FAR2: variants seen among roughly 807,000 people sequenced by gnomAD.
The protein encoded by FAR2 is fatty acyl-CoA reductase 2.
In FAR2, 19 loss-of-function variants were observed where a neutral mutation model predicts 56.0. That is an observed-to-expected ratio of 0.34 (90% CI 0.24 to 0.50). The LOEUF (loss-of-function observed/expected upper bound fraction) is 0.50. FAR2 is among the 20% of genes least tolerant of loss of function. The pLI is 0.98. For synonymous variants in FAR2, 219 were observed against 218.8 expected, an observed-to-expected ratio of 1.00 and a Z score of -0.01; for missense variants, 508 against 642.2, an observed-to-expected ratio of 0.79 and a Z score of 2.26.
At chr12:29,321,967 C>A (rs113840337) in intron 10 of FAR2, 43 bp downstream of exon 10, 27,534 of 1,566,928 alleles carry the variant, frequency 0.018, 298 homozygotes, top group Non-Finnish European at 0.021. Flanking sequence ...ATGCTACTCA[C>A]TTGGAATTTA....
intron 4 of FAR2, among the ~76,000 whole-genome samples, chr12:29,303,116 G>A (rs1473596182): frequency 6.6e-6 from 1 of 152,150 alleles, no homozygotes; most frequent in African/African-American, 2.4e-5. Context: ...TTATGGAGTG[G>A]ACTTCTTTTA....
At chr12:29,259,778 G>A (rs1000422969) in intron 1 of FAR2, among the ~76,000 whole-genome samples, 6 of 152,180 alleles carry the variant, frequency 3.9e-5, no homozygotes, top group Non-Finnish European at 8.8e-5. Flanking sequence ...TAAGCATTCA[G>A]TAAAAATACG....
In FAR2 at chr12:29,321,868, T is replaced by G; in HGVS notation, c.1201T>G (p.Trp401Gly). Residue 401 changes from tryptophan to glycine, a missense_variant, in exon 10 of 12, where the codon TGG becomes GGG. By Grantham distance (184) the Trp-to-Gly change is radical (BLOSUM62 -2). Transcript: ENST00000536681. The stretch of plus-strand genomic sequence containing the variant: ...GTATTTCATCAACCGGAGTTGGGAA[T>G]GGAGCACGTACAATACAGAAATGCT... ...LEYFINRSWEWSTYNTEMLMS... is the reference protein window; with the variant it reads ...LEYFINRSWEGSTYNTEMLMS... 1 of 1,613,906 alleles carries G rather than the reference T, an allele frequency of 6.2e-7. No individual in the cohort carries two copies. The highest frequency in any genetic ancestry group is 8.5e-7 in the Non-Finnish European group (1 of 1,179,858).
chr12:29,256,196 T>C (rs911040592), intron 1 of FAR2, among the ~76,000 whole-genome samples: 2 of 151,602 alleles, frequency 1.3e-5, no homozygotes, highest in South Asian at 2.1e-4. Flanking sequence ...ATTATTATTG[T>C]TTTTTTTAAA....
intron 4 of FAR2, among the ~76,000 whole-genome samples, chr12:29,302,397 G>A (rs12308135): frequency 0.016 from 2,443 of 152,248 alleles, 64 homozygotes; most frequent in African/African-American, 0.05. Context: ...AGGCATATGA[G>A]AAGACTTGGA....
intron 1 of FAR2, among the ~76,000 whole-genome samples, chr12:29,231,632 T>C (rs1018302535): frequency 6.6e-6 from 1 of 152,184 alleles, no homozygotes; most frequent in African/African-American, 2.4e-5. Flanking sequence ...GGATAGTTAA[T>C]CATGTAGCTC....
At chr12:29,210,739 G>A (rs1250380970) in intron 1 of FAR2, among the ~76,000 whole-genome samples, 1 of 152,118 alleles carries the variant, frequency 6.6e-6, no homozygotes, top group Non-Finnish European at 1.5e-5. Context: ...AGATCATGAG[G>A]TCAGAAGTTT....
chr12:29,258,952 TATC>T (rs1457170315), intron 1 of FAR2, among the ~76,000 whole-genome samples: 2 of 152,228 alleles, frequency 1.3e-5, no homozygotes, highest in Admixed American at 6.5e-5. Flanking sequence ...CTTTGAATAT[TATC>T]AAGATTTTCC....
intron 1 of FAR2, among the ~76,000 whole-genome samples, chr12:29,230,756 G>A (rs1312633122): frequency 6.6e-6 from 1 of 152,096 alleles, no homozygotes; most frequent in Non-Finnish European, 1.5e-5. Flanking sequence ...AGAGTCAAGG[G>A]TGGCCTCAAC....
At chr12:29,272,507 G>C (rs1193485075) in intron 2 of FAR2, among the ~76,000 whole-genome samples, 1 of 152,072 alleles carries the variant, frequency 6.6e-6, no homozygotes, top group Non-Finnish European at 1.5e-5. Flanking sequence ...TCTCTAAACT[G>C]GTTATTCTAG....
rs1949336869 is a variant in FAR2, at chr12:29,310,915, A to G, written c.769-113A>G. The G allele has an allele frequency of 5.1e-6, 4 of 782,364 alleles. No homozygotes were observed. The African/African-American group carries it at 5.1e-5, about 10-fold the overall frequency. The allele number at this position is 782,364 out of a possible 1,614,324, so 48.5% of individuals were successfully genotyped here. On this transcript the variant is annotated intron_variant, in intron 6 of 11. Coordinates refer to ENST00000536681, the MANE Select transcript of FAR2 (RefSeq NM_001271783.2). The stretch of plus-strand genomic sequence containing the variant: ...TAAGAACCTGGTAAGCAGTGGATCA[A>G]TGTTAGCTGTTTTCACTTATTGCAC...
chr12:29,208,600 A>G (rs1051834880), intron 1 of FAR2, among the ~76,000 whole-genome samples: 1 of 152,104 alleles, frequency 6.6e-6, no homozygotes, highest in African/African-American at 2.4e-5. Context: ...TGCGTTATTC[A>G]GGTATCAGGA....
chr12:29,296,990 AT>A (rs1273043848), intron 3 of FAR2, 30 bp from the exon 4 acceptor site: 1 of 1,555,058 alleles, frequency 6.4e-7, no homozygotes, highest in Non-Finnish European at 8.7e-7. Context: ...GACTTACTTC[AT>A]TGTATTTCCT....
chr12:29,287,672 ATTTTTGAAGAGAAAGAC>A (rs1368343185), intron 2 of FAR2, among the ~76,000 whole-genome samples: 2 of 152,196 alleles, frequency 1.3e-5, no homozygotes, highest in East Asian at 1.9e-4. Context: ...TAATGTAGTT[ATTTTTGAAGAGAAAGAC>A]TTTTTGAAGA....
Position 29,238,732 on chromosome 12 carries a change from C to T in FAR2, c.-38-31680C>T, listed in dbSNP as rs774077864. 5.3e-5 allele frequency among the ~76,000 whole-genome samples: 8 copies of T among 152,200 alleles called. No individual in the cohort carries two copies. The South Asian group carries it at 6.2e-4, about 12-fold the overall frequency. ...TTTGTTGTTTATTGATCAAAATATG[C>T]TTTATATATTTCAACCAAGGAACTT... On this transcript the variant is annotated intron_variant, in intron 1 of 11. Transcript: ENST00000536681.
At chr12:29,247,392 G>A (rs185634977) in intron 1 of FAR2, among the ~76,000 whole-genome samples, 1 of 152,144 alleles carries the variant, frequency 6.6e-6, no homozygotes, top group Admixed American at 6.5e-5. Context: ...AGAACAATGT[G>A]TTTTTATATC....
At chr12:29,202,945 A>C (rs1199076528) in intron 1 of FAR2, among the ~76,000 whole-genome samples, 1 of 152,234 alleles carries the variant, frequency 6.6e-6, no homozygotes, top group Admixed American at 6.5e-5. Flanking sequence ...ATTCCAGTGA[A>C]ACAATGATCC....
chr12:29,174,752 G>C (rs770580367), intron 1 of FAR2, among the ~76,000 whole-genome samples: 1 of 152,126 alleles, frequency 6.6e-6, no homozygotes, highest in Non-Finnish European at 1.5e-5. Flanking sequence ...ACTAGCCTCG[G>C]AGAAGAGAGG....
chr12:29,294,364 G>T (rs1027312310), intron 3 of FAR2, among the ~76,000 whole-genome samples: 1,753 of 124,028 alleles, frequency 0.014, 26 homozygotes, highest in African/African-American at 0.047. Context: ...TTTTTTTGTT[G>T]TTGAGACAGT....
Sources: allele counts gnomAD v4.1 joint callset (sites outside exome capture counted in the v4.1 genomes callset), GRCh38; gene constraint gnomAD v4.1.1; transcripts MANE v1.5; gene names NCBI Gene and HGNC (gene_info 2026-07-23, HGNC 2026-07-21).